DCDC1: variants seen among roughly 807,000 people sequenced by gnomAD.
DCDC1 encodes the protein doublecortin domain-containing protein 1.
A neutral mutation model predicts 178.3 loss-of-function variants in DCDC1; 200 were observed. The observed-to-expected ratio is 1.12, with a 90% CI of 1.00 to 1.26. The LOEUF is 1.26. DCDC1 is among the 50% of genes most tolerant of loss of function. The pLI is 0.00. For synonymous variants in DCDC1, 690 were observed against 604.8 expected (o/e 1.14, Z -2.07); for missense variants, 1,983 against 1,749.2 (o/e 1.13, Z -2.38).
Position 31,305,613 on chromosome 11 carries a change from A to G in DCDC1, c.754+2T>C, listed in dbSNP as rs1948404803. 1 of 1,612,958 alleles carries G rather than the reference A, an allele frequency of 6.2e-7. No individual in the cohort carries two copies. The highest frequency in any genetic ancestry group is 8.5e-7 in the Non-Finnish European group (1 of 1,179,430). ...GTAGGGTATTTTTTAGATCTTTTTT[A>G]CCTTTAATTTTTTTGAATGGATTTA... On this transcript the variant is annotated splice_donor_variant, in intron 6 of 38. Coordinates refer to ENST00000684477, the MANE Select transcript of DCDC1 (RefSeq NM_001387274.1). LOFTEE classifies it high-confidence loss of function.
chr11:31,294,793 AAAG>A (rs1947514215), intron 6 of DCDC1, among the ~76,000 whole-genome samples: 1 of 140,884 alleles, frequency 7.1e-6, no homozygotes, highest in Admixed American at 7.4e-5. Flanking sequence ...AAAGAAAAAT[AAAG>A]AAAAAGAAAG....
intron 20 of DCDC1, among the ~76,000 whole-genome samples, chr11:30,974,691 A>T (rs1392608050): frequency 2.0e-5 from 3 of 152,126 alleles, no homozygotes; most frequent in African/African-American, 4.8e-5. Context: ...CAAACCAATA[A>T]GAAGTAATGA....
intron 20 of DCDC1, among the ~76,000 whole-genome samples, chr11:30,984,742 G>C (rs1308741241): frequency 6.6e-6 from 1 of 152,154 alleles, no homozygotes; most frequent in African/African-American, 2.4e-5. Flanking sequence ...TGAAAGTCCA[G>C]GATAGTTGCC....
intron 9 of DCDC1, among the ~76,000 whole-genome samples, chr11:31,178,691 C>T (rs1220728169): frequency 6.6e-6 from 1 of 151,978 alleles, no homozygotes; most frequent in Non-Finnish European, 1.5e-5. Context: ...CAAAATAACG[C>T]AATTTTTCTT....
At chr11:31,300,155 C>T (rs1044921173) in intron 6 of DCDC1, among the ~76,000 whole-genome samples, 5 of 152,128 alleles carry the variant, frequency 3.3e-5, no homozygotes, top group Non-Finnish European at 5.9e-5. Context: ...CACACCTGGC[C>T]GAGGTGTAAA....
intron 38 of DCDC1, among the ~76,000 whole-genome samples, chr11:30,876,038 T>C (rs1358577200): frequency 6.6e-6 from 1 of 152,144 alleles, no homozygotes; most frequent in African/African-American, 2.4e-5. Flanking sequence ...GCAGAAAAAT[T>C]CAGTTCTCCT....
intron 8 of DCDC1, among the ~76,000 whole-genome samples, chr11:31,248,677 T>C (rs1036788473): frequency 1.3e-5 from 2 of 152,146 alleles, no homozygotes; most frequent in East Asian, 3.9e-4. Flanking sequence ...AGATTTATAC[T>C]TTAAATGTGA....
chr11:31,129,698 C>T (rs1962173734), intron 10 of DCDC1, among the ~76,000 whole-genome samples: 3 of 151,984 alleles, frequency 2.0e-5, no homozygotes, highest in Non-Finnish European at 2.9e-5. Context: ...TCCCCTCATC[C>T]CCCTCCCCAG....
intron 9 of DCDC1, among the ~76,000 whole-genome samples, chr11:31,239,099 A>AAAGTG (rs1976802024): frequency 6.6e-6 from 1 of 152,082 alleles, no homozygotes; most frequent in South Asian, 2.1e-4. Flanking sequence ...TGTGGTCTCA[A>AAAGTG]AAGTGAAATA....
chr11:30,865,839 C>G (rs1054330109), intron 38 of DCDC1, among the ~76,000 whole-genome samples: 1 of 151,844 alleles, frequency 6.6e-6, no homozygotes, highest in Non-Finnish European at 1.5e-5. Flanking sequence ...GGCATGTCAT[C>G]AAGAAAGAAT....
chr11:30,974,930 T>C (rs1018171745), intron 20 of DCDC1, among the ~76,000 whole-genome samples: 1 of 151,960 alleles, frequency 6.6e-6, no homozygotes, highest in South Asian at 2.1e-4. Flanking sequence ...AAAAGAAAAA[T>C]ACAAGCCAAT....
chr11:31,099,195 C>T (rs556304497), intron 15 of DCDC1, among the ~76,000 whole-genome samples: 3 of 152,202 alleles, frequency 2.0e-5, no homozygotes, highest in Admixed American at 1.3e-4. Flanking sequence ...ATTACTTAAT[C>T]GACTATTAAA....
chr11:31,341,414 GATA>G (rs2133215520), intron 1 of DCDC1, among the ~76,000 whole-genome samples: 1 of 148,290 alleles, frequency 6.7e-6, no homozygotes, highest in African/African-American at 2.5e-5. Context: ...TAGATAGATA[GATA>G]GATAGATAGA....
intron 11 of DCDC1, among the ~76,000 whole-genome samples, chr11:31,122,374 A>T (rs11031294): frequency 6.6e-6 from 1 of 152,054 alleles, no homozygotes; most frequent in Admixed American, 6.6e-5. Flanking sequence ...TATGATTGTC[A>T]GTCCTGCCTA....
intron 1 of DCDC1, among the ~76,000 whole-genome samples, chr11:31,352,919 T>C (rs1951147023): frequency 6.6e-6 from 1 of 152,202 alleles, no homozygotes; most frequent in Admixed American, 6.5e-5. Flanking sequence ...AGGTGGGAGA[T>C]GCAATTAGAA....
intron 38 of DCDC1, among the ~76,000 whole-genome samples, chr11:30,868,216 G>T (rs1478258345): frequency 6.6e-6 from 1 of 150,646 alleles, no homozygotes; most frequent in East Asian, 1.9e-4. Context: ...GAGGGGGAGG[G>T]GTGCATCCAT....
chr11:31,205,141 T>C (rs1971722755), intron 9 of DCDC1, among the ~76,000 whole-genome samples: 1 of 152,196 alleles, frequency 6.6e-6, no homozygotes, highest in Non-Finnish European at 1.5e-5. Flanking sequence ...GATAATCATA[T>C]TATAGCTTGC....
At chr11:31,287,953 A>G (rs2137361517) in intron 7 of DCDC1, among the ~76,000 whole-genome samples, 1 of 150,146 alleles carries the variant, frequency 6.7e-6, no homozygotes, top group African/African-American at 2.4e-5. Flanking sequence ...CTTTTTCATC[A>G]TTTTCTTCAC....
intron 27 of DCDC1, among the ~76,000 whole-genome samples, chr11:30,912,569 C>T (rs1945519826): frequency 1.3e-5 from 2 of 152,166 alleles, no homozygotes; most frequent in Admixed American, 1.3e-4. Flanking sequence ...AGGCATGAGC[C>T]ACCATGCCCG....
Sources: allele counts gnomAD v4.1 joint callset (sites outside exome capture counted in the v4.1 genomes callset), GRCh38; gene constraint gnomAD v4.1.1; transcripts MANE v1.5; gene names NCBI Gene and HGNC (gene_info 2026-07-23, HGNC 2026-07-21).